Variants in LPA observed in about 807,000 individuals in gnomAD.
LPA encodes apolipoprotein(a).
LPA carries 199 observed loss-of-function variants against 197.9 expected under a neutral mutation model. That is an observed-to-expected ratio of 1.01 (90% CI 0.90 to 1.13). The LOEUF (loss-of-function observed/expected upper bound fraction) is 1.13. Among genes scored for constraint, LPA ranks in the 50% most tolerant of loss-of-function variants. The probability of loss-of-function intolerance (pLI) is 0.00; values close to 1 mark genes in which losing one functional copy is unlikely to be tolerated. For synonymous variants in LPA, 715 were observed against 639.5 expected (o/e 1.12, Z -1.78); for missense variants, 1,853 against 1,785.8 (o/e 1.04, Z -0.68).
rs185642817 is a variant in LPA at position 160,543,039 on chromosome 6, T to C, written c.5399-231A>G. Among the ~76,000 whole-genome samples the C allele has an allele frequency of 7.3e-3, 1,110 of 152,328 alleles. 15 individuals carry two copies. The highest frequency in any genetic ancestry group is 0.026 in the African/African-American group (1,068 of 41,576). On this transcript the variant is annotated intron_variant, in intron 33 of 38. Transcript: ENST00000316300. ...AAGTTCTTTCTAAACCATGTAAAGT[T>C]TACTGAAAGGCACAAAGGATTCTTT...
chr6:160,558,764 G>T (rs190751699), intron 28 of LPA, among the ~76,000 whole-genome samples: 1 of 152,180 alleles, frequency 6.6e-6, no homozygotes, highest in South Asian at 2.1e-4. Context: ...GGACCCTGGG[G>T]TGGAGGGATC....
intron 24 of LPA, among the ~76,000 whole-genome samples, chr6:160,588,771 G>T (rs989044095): frequency 2.6e-5 from 4 of 152,116 alleles, no homozygotes; most frequent in African/African-American, 4.8e-5. Flanking sequence ...GGCTCCATCT[G>T]CTTGTCCTTC....
At chr6:160,544,452 G>C (rs1778031069) in intron 33 of LPA, among the ~76,000 whole-genome samples, 1 of 152,102 alleles carries the variant, frequency 6.6e-6, no homozygotes, top group Non-Finnish European at 1.5e-5. Flanking sequence ...TGGCCAAGTA[G>C]AATCTTTCCT....
intron 26 of LPA, among the ~76,000 whole-genome samples, chr6:160,580,743 AT>A (rs935990666): frequency 2.0e-5 from 3 of 152,162 alleles, no homozygotes; most frequent in African/African-American, 7.2e-5. Context: ...CCTGTTGCCC[AT>A]TTTGATTAGG....
chr6:160,566,541 C>T (rs1248011249), intron 28 of LPA, among the ~76,000 whole-genome samples: 1 of 152,146 alleles, frequency 6.6e-6, no homozygotes, highest in East Asian at 1.9e-4. Flanking sequence ...ACAAACATGC[C>T]AAATTGTAAA....
At chr6:160,648,938 C>A (rs921443810) in intron 2 of LPA, among the ~76,000 whole-genome samples, 2 of 152,104 alleles carry the variant, frequency 1.3e-5, no homozygotes, top group African/African-American at 4.8e-5. Context: ...GTGGGTCACA[C>A]TAAAAGGTTT....
intron 35 of LPA, 43 bp downstream of exon 35, chr6:160,541,064 G>A: frequency 6.5e-7 from 1 of 1,544,186 alleles, no homozygotes. Context: ...GAGGAAAAAA[G>A]TCTTGAAGAT....
chr6:160,586,531 C>A lies in LPA; in HGVS notation c.4047G>T (p.Thr1349=). Residue 1349 remains threonine (T), a synonymous_variant, in exon 25 of 39, where the codon ACG becomes ACT. Coordinates refer to ENST00000316300, the MANE Select transcript of LPA (RefSeq NM_005577.4). ...GAGTTGATTCCATCACTGGACATTGCGTCAGGTTGCAGTACTCCCATCTGA... is the reference window on the plus strand; with the variant it reads ...GAGTTGATTCCATCACTGGACATTGAGTCAGGTTGCAGTACTCCCATCTGA... ...PSVRWEYCNL[T]QCPVMESTLL... 1 of 1,613,762 alleles carries A rather than the reference C, an allele frequency of 6.2e-7. No individual in the cohort carries two copies. Among genetic ancestry groups the A allele is most frequent in the South Asian group, 1.1e-5 (1 of 91,068 alleles).
intron 1 of LPA, among the ~76,000 whole-genome samples, chr6:160,662,012 A>G (rs1209198036): frequency 1.3e-5 from 2 of 152,174 alleles, no homozygotes; most frequent in African/African-American, 2.4e-5. Flanking sequence ...TCATTTTATT[A>G]TGCTTCATAG....
chr6:160,604,928 G>T, intron 18 of LPA, 118 bp downstream of exon 18: 1 of 1,458,712 alleles, frequency 6.9e-7, no homozygotes, highest in Non-Finnish European at 9.5e-7. Context: ...GAGACATTTT[G>T]CTATGCACTG....
At chr6:160,561,712 T>C (rs1778365603) in intron 28 of LPA, among the ~76,000 whole-genome samples, 2 of 152,210 alleles carry the variant, frequency 1.3e-5, no homozygotes, top group Non-Finnish European at 2.9e-5. Flanking sequence ...GCATGGAATG[T>C]TTTTCCATTT....
In LPA at chr6:160,606,562, C is replaced by T; in HGVS notation, c.2700G>A (p.Leu900=). The change falls in exon 17 of 39, where the codon CTG becomes CTA. Residue 900 remains leucine, a synonymous_variant. Coordinates refer to ENST00000316300, the MANE Select transcript of LPA (RefSeq NM_005577.4). ...DPSVRWEYCN[L]TQCSDAEGTA... ...TCCCTTCTGCGTCTGAGCATTGTGT[C>T]AGGTTGCAGTACTCCCACCTGACAC... is the stretch of plus-strand genomic sequence containing the variant. 6.2e-7 allele frequency: 1 copy of T among 1,613,824 alleles called. No individual in the cohort carries two copies. Among genetic ancestry groups the T allele is most frequent in the Admixed American group, 1.7e-5 (1 of 60,006 alleles).
chr6:160,604,687 T>C (rs2115058821), intron 18 of LPA, among the ~76,000 whole-genome samples: 1 of 152,232 alleles, frequency 6.6e-6, no homozygotes, highest in Middle Eastern at 3.4e-3. Flanking sequence ...GAACCTTCAC[T>C]TCAGGAATTG....
chr6:160,611,643 G>T lies in LPA; in HGVS notation c.2522C>A (p.Thr841Asn). The change falls in exon 16 of 39, where the codon ACT becomes AAT. Residue 841 changes from threonine (T) to asparagine (N), a missense_variant. Around this residue, in one of 3 missense-constraint regions of LPA, gnomAD observed 1,737 missense variants for 1,504.4 expected, o/e 1.15. Transcript: ENST00000316300. ...AGCTTGGCAGGTTCTTCCAGTGACA[G>T]TGGTGGAGTATGTGCCTCGATAACT... is the stretch of plus-strand genomic sequence containing the variant. Reference protein sequence around the residue: ...GQSYRGTYSTTVTGRTCQAWS... With the variant: ...GQSYRGTYSTNVTGRTCQAWS... The T allele has an allele frequency of 6.3e-7, 1 of 1,577,674 alleles. No homozygotes were observed. Among genetic ancestry groups the T allele is most frequent in the South Asian group, 1.1e-5 (1 of 90,146 alleles).
At chr6:160,582,382 A>G (rs1778818102) in intron 26 of LPA, among the ~76,000 whole-genome samples, 1 of 147,862 alleles carries the variant, frequency 6.8e-6, no homozygotes. Flanking sequence ...TCTTTCTTAC[A>G]CTCTAAAGGT....
chr6:160,553,954 TGCGCGCGCGC>T (rs1554231703), intron 30 of LPA, among the ~76,000 whole-genome samples: 4 of 130,736 alleles, frequency 3.1e-5, no homozygotes, highest in Admixed American at 1.5e-4. Context: ...TGTGTGTGTG[TGCGCGCGCGC>T]GCGTGTGCGT....
At chr6:160,574,391 T>A (rs1778617623) in intron 28 of LPA, among the ~76,000 whole-genome samples, 1 of 152,132 alleles carries the variant, frequency 6.6e-6, no homozygotes, top group South Asian at 2.1e-4. Context: ...CAAACCAGAT[T>A]CATGCCCTCC....
chr6:160,534,347 G>A lies in LPA; in HGVS notation c.5843-1698C>T, dbSNP rs929843001. Among the ~76,000 whole-genome samples, 3 of 152,204 alleles carry A rather than the reference G, an allele frequency of 2.0e-5. No homozygotes were observed. The South Asian group carries it at 6.2e-4, about 32-fold the overall frequency. On this transcript the variant is annotated intron_variant, in intron 37 of 38. Coordinates refer to ENST00000316300, the MANE Select transcript of LPA (RefSeq NM_005577.4). ...GGGAAAACCCACCAGGAGTTGCTGG[G>A]AAATTAATGCAGTCTATGAGTATGT...
chr6:160,597,175 C>T (rs1312917006), intron 20 of LPA, among the ~76,000 whole-genome samples: 6 of 152,200 alleles, frequency 3.9e-5, no homozygotes, highest in Admixed American at 3.3e-4. Flanking sequence ...AATAGGTCGA[C>T]GTTTTTATTG....
Sources: gnomAD v4.1 joint callset for allele counts (sites outside exome capture counted in the v4.1 genomes callset) on GRCh38, gnomAD v4.1.1 for gene constraint, gnomAD v4.1.1 regional missense constraint, MANE v1.5 for transcripts, NCBI Gene and HGNC (gene_info 2026-07-23, HGNC 2026-07-21) for gene names.